The following TIAM2 variants were observed in gnomAD, a reference collection of about 807,000 sequenced individuals.
TIAM2 encodes the protein TIAM Rac1 associated GEF 2.
TIAM2 carries 80 observed loss-of-function variants against 152.9 expected under a neutral mutation model. The observed-to-expected ratio is 0.52, with a 90% confidence interval of 0.44 to 0.63. The LOEUF (loss-of-function observed/expected upper bound fraction) is 0.63. Among genes scored for constraint, TIAM2 ranks in the 30% least tolerant of loss-of-function variants. The probability of loss-of-function intolerance (pLI) is 0.00; values close to 1 mark genes in which losing one functional copy is unlikely to be tolerated. For missense variants in TIAM2, 1,965 were observed against 2,120.1 expected, an observed-to-expected ratio of 0.93 and a Z score of 1.44; for synonymous variants, 804 against 838.0, an observed-to-expected ratio of 0.96 and a Z score of 0.70.
chr6:155,146,340 C>T (rs569379742), intron 6 of TIAM2, among the ~76,000 whole-genome samples: 1 of 152,204 alleles, frequency 6.6e-6, no homozygotes, highest in African/African-American at 2.4e-5. Flanking sequence ...ATGATTGTGC[C>T]ACTGCACTCC....
At chr6:155,117,516 C>T (rs966794350) in intron 2 of TIAM2, among the ~76,000 whole-genome samples, 2 of 152,210 alleles carry the variant, frequency 1.3e-5, no homozygotes, top group Admixed American at 1.3e-4. Context: ...CATCTCGGCT[C>T]GCTGCAACCT....
chr6:155,065,329 T>C (rs1777669451), intron 1 of TIAM2, among the ~76,000 whole-genome samples: 1 of 152,226 alleles, frequency 6.6e-6, no homozygotes, highest in Non-Finnish European at 1.5e-5. Flanking sequence ...AAAATAATCC[T>C]GTGGAAGTCA....
intron 19 of TIAM2, among the ~76,000 whole-genome samples, 154 bp downstream of exon 19, chr6:155,245,885 A>G (rs1470296887): frequency 6.6e-6 from 1 of 151,966 alleles, no homozygotes; most frequent in Non-Finnish European, 1.5e-5. Flanking sequence ...TTAAAGGGAA[A>G]GGTTTCTGTT....
intron 1 of TIAM2, among the ~76,000 whole-genome samples, chr6:155,077,196 T>TAA (rs56943460): frequency 6.6e-6 from 1 of 151,544 alleles, no homozygotes; most frequent in East Asian, 1.9e-4. Flanking sequence ...TTTTTTTTTT[T>TAA]AAAGAACAGG....
chr6:155,255,978 C>G, intron 26 of TIAM2: 1 of 186,340 alleles, frequency 5.4e-6, no homozygotes, highest in Non-Finnish European at 1.0e-5. Flanking sequence ...CCACTGCACT[C>G]CAGCCTGGGT....
intron 1 of TIAM2, among the ~76,000 whole-genome samples, chr6:155,002,916 A>G (rs1778337660): frequency 6.6e-6 from 1 of 150,936 alleles, no homozygotes; most frequent in South Asian, 2.1e-4. Context: ...CTAGTCTCGA[A>G]CTCTTGACCT....
Position 155,168,834 on chromosome 6 carries a change from C to G in TIAM2, c.2361+3425C>G, listed in dbSNP as rs763470448. On this transcript the variant is annotated intron_variant, in intron 9 of 26. Coordinates refer to ENST00000682666, the MANE Select transcript of TIAM2 (RefSeq NM_012454.4). Reference sequence around the variant, plus strand: ...CCATTTCATTAGTCTTTTTCCTCCCCCATCTGTCAGATATTTGATTCAAGT... The same window carrying G: ...CCATTTCATTAGTCTTTTTCCTCCCGCATCTGTCAGATATTTGATTCAAGT... 1.0e-5 allele frequency: 16 copies of G among 1,533,230 alleles called. No homozygotes were observed. The African/African-American group carries it at 1.5e-4, about 14-fold the overall frequency. 95.0% of individuals were successfully genotyped at this position (1,533,230 alleles called of 1,614,324 possible).
intron 2 of TIAM2, among the ~76,000 whole-genome samples, chr6:155,101,126 T>A (rs934251308): frequency 2.0e-5 from 3 of 152,158 alleles, no homozygotes; most frequent in Non-Finnish European, 4.4e-5. Flanking sequence ...TTGGAAACCT[T>A]TGGTTTTAGA....
intron 7 of TIAM2, among the ~76,000 whole-genome samples, chr6:155,162,145 A>G (rs1780288612): frequency 6.6e-6 from 1 of 151,728 alleles, no homozygotes; most frequent in Admixed American, 6.6e-5. Context: ...TTTTGTAGAG[A>G]CAGGATTTCG....
chr6:155,217,946 T>G (rs1781905293), intron 15 of TIAM2, among the ~76,000 whole-genome samples: 1 of 152,152 alleles, frequency 6.6e-6, no homozygotes, highest in South Asian at 2.1e-4. Flanking sequence ...CCTTTTGAGT[T>G]TTTTTTTGTC....
chr6:155,151,828 C>CTTT (rs5881122), intron 7 of TIAM2, among the ~76,000 whole-genome samples: 36 of 144,524 alleles, frequency 2.5e-4, no homozygotes, highest in East Asian at 4.0e-4. Context: ...TCTATAGAAT[C>CTTT]TTTTTTTTTT....
rs1421475971 is a variant in TIAM2 at position 155,180,189 on chromosome 6, G to C, written c.2707+733G>C. 1.3e-5 allele frequency among the ~76,000 whole-genome samples: 2 copies of C among 152,186 alleles called. 1 individual carries two copies. The highest frequency in any genetic ancestry group is 4.8e-5 in the African/African-American group (2 of 41,442). On this transcript the variant is annotated intron_variant, in intron 12 of 26. Transcript: ENST00000682666. ...AGCTACTCGGGAGGCTGAGGCAGGA[G>C]AATCGCTTGAACCTGGGAGGCAGAG...
intron 19 of TIAM2, 32 bp downstream of exon 19, chr6:155,245,763 T>TG: frequency 6.9e-7 from 1 of 1,459,304 alleles, no homozygotes; most frequent in African/African-American, 1.4e-5. Context: ...TAGTTTTTTT[T>TG]TTTTTTTGCA....
chr6:155,029,439 T>A (rs370354675), intron 1 of TIAM2, among the ~76,000 whole-genome samples: 105 of 4,652 alleles, frequency 0.023, 14 homozygotes, highest in South Asian at 0.036. Context: ...TAGTATATAT[T>A]ATACTATAGT....
At chr6:155,056,725 C>G (rs190507542) in intron 1 of TIAM2, among the ~76,000 whole-genome samples, 108 of 152,140 alleles carry the variant, frequency 7.1e-4, no homozygotes, top group South Asian at 1.9e-3. Context: ...CCAGCTTCCC[C>G]TATTATTAAC....
chr6:155,074,707 G>T (rs550351268), intron 1 of TIAM2, among the ~76,000 whole-genome samples: 4 of 152,070 alleles, frequency 2.6e-5, no homozygotes, highest in Non-Finnish European at 5.9e-5. Context: ...GCTTTTTCTT[G>T]TGTGTTTATT....
At chr6:155,153,901 C>T (rs1050015076) in intron 7 of TIAM2, among the ~76,000 whole-genome samples, 10 of 152,140 alleles carry the variant, frequency 6.6e-5, no homozygotes, top group South Asian at 2.1e-4. Flanking sequence ...GGATTACAGG[C>T]GTGAAACCAC....
rs767903524 is a variant in TIAM2, at chr6:155,067,963, C to T, written c.-208-22326C>T. Among the ~76,000 whole-genome samples the T allele has an allele frequency of 4.2e-4, 64 of 152,060 alleles. 1 individual carries two copies. Among genetic ancestry groups the T allele is most frequent in the Middle Eastern group, 3.2e-3 (1 of 316 alleles). On this transcript the variant is annotated intron_variant, in intron 1 of 26. Coordinates refer to ENST00000682666, the MANE Select transcript of TIAM2 (RefSeq NM_012454.4). ...GACTTTTTCCTTGTTTTTTAATTTACGTTTTTCTTTTCCACCCAACCACAC... is the reference window on the plus strand; with the variant it reads ...GACTTTTTCCTTGTTTTTTAATTTATGTTTTTCTTTTCCACCCAACCACAC...
At chr6:155,099,584 A>C (rs1257176243) in intron 2 of TIAM2, among the ~76,000 whole-genome samples, 1 of 152,192 alleles carries the variant, frequency 6.6e-6, no homozygotes, top group African/African-American at 2.4e-5. Context: ...GTGGGAGAGG[A>C]AAATTACCAG....
Sources: allele counts gnomAD v4.1 joint callset (sites outside exome capture counted in the v4.1 genomes callset), GRCh38; gene constraint gnomAD v4.1.1; transcripts MANE v1.5; gene names NCBI Gene and HGNC (gene_info 2026-07-23, HGNC 2026-07-21).